The following SRCIN1 variants were observed in gnomAD, a reference collection of about 807,000 sequenced individuals.
The protein encoded by SRCIN1 is SRC kinase signaling inhibitor 1.
In SRCIN1, 50 loss-of-function variants were observed where a neutral mutation model predicts 116.2. The ratio of observed to expected loss-of-function variants is 0.43; its 90% CI spans 0.34 to 0.54. SRCIN1 has a LOEUF of 0.54. Among genes scored for constraint, SRCIN1 ranks in the 20% least tolerant of loss-of-function variants. The pLI is 0.02. For missense variants in SRCIN1, 1,446 were observed against 1,672.0 expected (o/e 0.86, Z 2.36); for synonymous variants, 736 against 750.0 (o/e 0.98, Z 0.30).
At chr17:38,535,723 G>A (rs2040991177) in intron 18 of SRCIN1, among the ~76,000 whole-genome samples, 1 of 152,056 alleles carries the variant, frequency 6.6e-6, no homozygotes, top group Non-Finnish European at 1.5e-5. Flanking sequence ...CTTACCTTGG[G>A]CTCAGTCCTG....
chr17:38,573,003 G>A (rs992905683), intron 2 of SRCIN1, among the ~76,000 whole-genome samples: 2 of 152,074 alleles, frequency 1.3e-5, no homozygotes, highest in African/African-American at 4.8e-5. Flanking sequence ...CGTCGCCGCG[G>A]TCACCCGATA....
chr17:38,561,914 G>C lies in SRCIN1; in HGVS notation c.1249C>G (p.Pro417Ala). The C allele has an allele frequency of 1.4e-6, 2 of 1,447,498 alleles. No individual in the cohort carries two copies. Among genetic ancestry groups the C allele is most frequent in the Non-Finnish European group, 1.8e-6 (2 of 1,115,278 alleles). The allele number at this position is 1,447,498 out of a possible 1,614,324, so 89.7% of individuals were successfully genotyped here. ...CCGCCGGCGCCCGGGTAGGCGAACG[G>C]GTCGCCGGCGGCCGCGGCCAGGCTC... ...RLSLAAAAGD[P>A]FAYPGAGGLY... Residue 417 changes from proline (P) to alanine (A), a missense_variant, in exon 7 of 19, where the codon CCG (proline) becomes GCG (alanine). Pro to Ala is a conservative substitution (Grantham distance 27, BLOSUM62 -1). This residue lies in a region of SRCIN1 where 239 missense variants were observed against 317.7 expected (regional missense o/e 0.75). Coordinates refer to ENST00000617146, the MANE Select transcript of SRCIN1 (RefSeq NM_025248.3).
chr17:38,533,012 G>A lies in SRCIN1; in HGVS notation c.*285C>T, dbSNP rs576689403. On this transcript the variant is annotated 3_prime_UTR_variant, in exon 19 of 19. Transcript: ENST00000617146. Reference sequence around the variant, plus strand: ...GAGAGATGTGACAGGTGCGGCCAGCGAGAGGCCAGCTGGGATCAAGGAAGG... The same window carrying A: ...GAGAGATGTGACAGGTGCGGCCAGCAAGAGGCCAGCTGGGATCAAGGAAGG... The A allele has an allele frequency of 2.7e-4, 65 of 243,334 alleles. 1 individual carries two copies. In the South Asian group the frequency reaches 7.7e-3, roughly 29 times the overall value. 15.1% of individuals were successfully genotyped at this position (243,334 alleles called of 1,614,324 possible).
rs1022519235 is a variant in SRCIN1 at position 38,585,781 on chromosome 17, G to A, written c.23-6990C>T. 5.3e-5 allele frequency among the ~76,000 whole-genome samples: 8 copies of A among 152,160 alleles called. No individual in the cohort carries two copies. Among genetic ancestry groups the A allele is most frequent in the African/African-American group, 1.4e-4 (6 of 41,454 alleles). On this transcript the variant is annotated intron_variant, in intron 1 of 18. Coordinates refer to ENST00000617146, the MANE Select transcript of SRCIN1 (RefSeq NM_025248.3). This position sits in a 1 kb window ranked among gnomAD's most constrained non-coding sequence, Gnocchi z 4.2. ...TCCCCCCAAATTGCTAATACCCAGC[G>A]CCCTGTTGAGTCTCCCTGTCACTCC... is the stretch of plus-strand genomic sequence containing the variant.
intron 18 of SRCIN1, 68 bp downstream of exon 18, chr17:38,543,755 C>T: frequency 6.4e-7 from 1 of 1,561,264 alleles, no homozygotes; most frequent in East Asian, 2.3e-5. Context: ...GCAGGAGATG[C>T]CCAGTGGGGC....
Position 38,564,147 on chromosome 17 carries a change from G to C in SRCIN1, c.512C>G (p.Ser171Trp), listed in dbSNP as rs778341340. 6 of 1,599,784 alleles carry C rather than the reference G, an allele frequency of 3.8e-6. No individual in the cohort carries two copies. The highest frequency in any genetic ancestry group is 2.3e-5 in the East Asian group (1 of 44,264). ...GGAGCGCAGCTTGGTCTGGCTGGCC[G>C]AGCGGGAGAGAGGCAGGCTCTGTCG... ...RFRQSLPLSRSASQTKLRSPG... is the reference protein window; with the variant it reads ...RFRQSLPLSRWASQTKLRSPG... Residue 171 changes from serine (S) to tryptophan (W), a missense_variant, in exon 4 of 19, where the codon TCG becomes TGG. This residue lies in a region of SRCIN1 where 246 missense variants were observed against 265.1 expected (regional missense o/e 0.93). Coordinates refer to ENST00000617146, the MANE Select transcript of SRCIN1 (RefSeq NM_025248.3).
Position 38,552,562 on chromosome 17 carries a change from C to T in SRCIN1, c.2365G>A (p.Val789Met). The T allele has an allele frequency of 6.2e-7, 1 of 1,610,678 alleles. No individual in the cohort carries two copies. The highest frequency in any genetic ancestry group is 8.5e-7 in the Non-Finnish European group (1 of 1,178,694). Residue 789 changes from valine (V) to methionine (M), a missense_variant, in exon 13 of 19, where the codon GTG (valine) becomes ATG (methionine). By Grantham distance (21) the Val-to-Met change is conservative. Around this residue, in one of 5 missense-constraint regions of SRCIN1, gnomAD observed 531 missense variants for 633.9 expected, o/e 0.84. Coordinates refer to ENST00000617146, the MANE Select transcript of SRCIN1 (RefSeq NM_025248.3). This position sits in a 1 kb window ranked among gnomAD's most constrained non-coding sequence, Gnocchi z 5.3. Reference sequence around the variant, plus strand: ...GCCTCCACCTCCACGCGCAGCACCACCCGCATCTTGCTCTGCAGGCCCGGG... The same window carrying T: ...GCCTCCACCTCCACGCGCAGCACCATCCGCATCTTGCTCTGCAGGCCCGGG... ...HFPGLQSKMR[V>M]VLRVEVEAVK...
intron 3 of SRCIN1, among the ~76,000 whole-genome samples, chr17:38,565,900 C>T (rs527620330): frequency 1.9e-3 from 294 of 152,216 alleles, no homozygotes; most frequent in Non-Finnish European, 3.3e-3. Flanking sequence ...AGGGAGGGGC[C>T]GCTTGTGCTT....
upstream of SRCIN1, among the ~76,000 whole-genome samples, chr17:38,606,148 C>T (rs1458469720): frequency 4.0e-5 from 6 of 151,418 alleles, no homozygotes; most frequent in African/African-American, 1.5e-4. This position sits in a 1 kb window ranked among gnomAD's most constrained non-coding sequence, Gnocchi z 5.2. Context: ...GGGCGCGGGG[C>T]GCGCTCACTC....
rs1909263580 is a variant in SRCIN1, at chr17:38,604,766, C to CAGGGGGGTGCGTGGGAGGGG, written c.22+898_22+917dup. ...GCTGGCCCGGGAGCTTCTGACGTAG[C>CAGGGGGGTGCGTGGGAGGGG]AGGGGGGTGCGTGGGAGGGGAGGGG... is the stretch of plus-strand genomic sequence containing the variant. On this transcript the variant is annotated intron_variant, in intron 1 of 18. Transcript: ENST00000617146. The surrounding 1 kb of genome is among the most constrained non-coding windows in gnomAD (Gnocchi z 4.3). Among the ~76,000 whole-genome samples, 1 of 152,046 alleles carries CAGGGGGGTGCGTGGGAGGGG rather than the reference C, an allele frequency of 6.6e-6. No individual in the cohort carries two copies. Among genetic ancestry groups the CAGGGGGGTGCGTGGGAGGGG allele is most frequent in the Admixed American group, 6.5e-5 (1 of 15,280 alleles).
intron 18 of SRCIN1, among the ~76,000 whole-genome samples, chr17:38,534,225 C>CG (rs1031081118): frequency 4.6e-5 from 7 of 152,218 alleles, no homozygotes; most frequent in East Asian, 1.9e-4. Flanking sequence ...TCTGCAGCTG[C>CG]GGTCTCCAAA....
At chr17:38,550,451 G>A (rs984691976) in intron 15 of SRCIN1, among the ~76,000 whole-genome samples, 16 of 152,132 alleles carry the variant, frequency 1.1e-4, no homozygotes, top group Middle Eastern at 3.4e-3. Flanking sequence ...CCAAGATAGC[G>A]CCACTGCACT....
At chr17:38,551,133 C>G in intron 15 of SRCIN1, 22 bp downstream of exon 15, 1 of 1,167,504 alleles carries the variant, frequency 8.6e-7, no homozygotes, top group Non-Finnish European at 1.2e-6. Flanking sequence ...GGGCTCCTTA[C>G]CAGCCCTACT....
Position 38,578,691 on chromosome 17 carries a change from GC to G in SRCIN1, c.122del (p.Gly41AlafsTer19). The G allele has an allele frequency of 6.5e-7, 1 of 1,539,056 alleles. No individual in the cohort carries two copies. On this transcript the variant is annotated frameshift_variant, in exon 2 of 19. Transcript: ENST00000617146. LOFTEE classifies it high-confidence loss of function. ...CCAGCCCCACGTTGGAGAAGCGCCGGCCCCCGCTGCCCCCGCCGCCCCCGCC... is the reference window on the plus strand; with the variant it reads ...CCAGCCCCACGTTGGAGAAGCGCCGGCCCCGCTGCCCCCGCCGCCCCCGCC... Reference protein sequence around the residue: ...LGGGGGGGSGGRRFSNVGLVH... With the variant: ...LGGGGGGGSGXRRFSNVGLVH...
chr17:38,560,719 G>A (rs1906179015), intron 7 of SRCIN1, among the ~76,000 whole-genome samples: 1 of 152,114 alleles, frequency 6.6e-6, no homozygotes, highest in Non-Finnish European at 1.5e-5. Flanking sequence ...GACCCCAGGG[G>A]CCCCGAGGAA....
At chr17:38,581,686 C>T (rs1907832950) in intron 1 of SRCIN1, among the ~76,000 whole-genome samples, 1 of 152,062 alleles carries the variant, frequency 6.6e-6, no homozygotes, top group Admixed American at 6.6e-5. Flanking sequence ...GTGAAATAGA[C>T]CCTGACTGAG....
Position 38,580,277 on chromosome 17 carries a change from AACAC to A in SRCIN1, c.23-1490_23-1487del, listed in dbSNP as rs151312373. Among the ~76,000 whole-genome samples the A allele has an allele frequency of 8.1e-3, 1,213 of 150,328 alleles. 14 individuals carry two copies. Among genetic ancestry groups the A allele is most frequent in the African/African-American group, 0.028 (1,170 of 41,124 alleles). On this transcript the variant is annotated intron_variant, in intron 1 of 18. Coordinates refer to ENST00000617146, the MANE Select transcript of SRCIN1 (RefSeq NM_025248.3). Reference sequence around the variant, plus strand: ...GTTTCAAGAAAAGCCACCTGCCCCCAACACACACACACACACACATACACACATA... The same window carrying A: ...GTTTCAAGAAAAGCCACCTGCCCCCAACACACACACACACATACACACATA...
rs1003252184 is a variant in SRCIN1, at chr17:38,563,718, A to T, written c.542-197T>A. The T allele has an allele frequency of 1.3e-6, 1 of 772,200 alleles. No homozygotes were observed. Among genetic ancestry groups the T allele is most frequent in the South Asian group, 1.5e-5 (1 of 67,926 alleles). 47.8% of individuals were successfully genotyped at this position (772,200 alleles called of 1,614,324 possible). ...CGCCAGGCCGGCTCTCCAGCCTCTC[A>T]AGGCACCCACTGGACTCCAGGCAGT... is the stretch of plus-strand genomic sequence containing the variant. On this transcript the variant is annotated intron_variant, in intron 4 of 18. Coordinates refer to ENST00000617146, the MANE Select transcript of SRCIN1 (RefSeq NM_025248.3). This position sits in a 1 kb window ranked among gnomAD's most constrained non-coding sequence, Gnocchi z 5.8.
rs1439219778 is a variant in SRCIN1 at position 38,563,720 on chromosome 17, G to A, written c.542-199C>T. 1.3e-6 allele frequency: 1 copy of A among 754,274 alleles called. No individual in the cohort carries two copies. The highest frequency in any genetic ancestry group is 2.3e-6 in the Non-Finnish European group (1 of 438,854). 46.7% of individuals were successfully genotyped at this position (754,274 alleles called of 1,614,324 possible). A position where few individuals can be genotyped will look rare whatever the true frequency, so the allele number is the denominator to read the frequency against. On this transcript the variant is annotated intron_variant, in intron 4 of 18. Transcript: ENST00000617146. The surrounding 1 kb of genome is among the most constrained non-coding windows in gnomAD (Gnocchi z 5.8). ...CCAGGCCGGCTCTCCAGCCTCTCAA[G>A]GCACCCACTGGACTCCAGGCAGTTG... is the stretch of plus-strand genomic sequence containing the variant.
Sources: gnomAD v4.1 joint callset for allele counts (sites outside exome capture counted in the v4.1 genomes callset) on GRCh38, gnomAD v4.1.1 for gene constraint, gnomAD v4.1.1 regional missense constraint, Gnocchi (gnomAD v3.1) non-coding constraint, MANE v1.5 for transcripts, NCBI Gene and HGNC (gene_info 2026-07-23, HGNC 2026-07-21) for gene names.